The following WDPCP variants were observed in gnomAD, a reference collection of about 807,000 sequenced individuals.
WDPCP encodes WD repeat containing planar cell polarity effector, also known as WD repeat-containing and planar cell polarity effector protein fritz homolog.
WDPCP carries 71 observed loss-of-function variants against 93.1 expected under a neutral mutation model. That is an observed-to-expected ratio of 0.76 (90% confidence interval 0.63 to 0.93). The LOEUF (loss-of-function observed/expected upper bound fraction) is 0.93, where lower values mean the gene tolerates loss of function less well. WDPCP is among the 40% of genes least tolerant of loss of function. The probability of loss-of-function intolerance (pLI) is 0.00; values close to 1 mark genes in which losing one functional copy is unlikely to be tolerated. For missense variants in WDPCP, 844 were observed against 887.4 expected (o/e 0.95, Z 0.62); for synonymous variants, 315 against 315.0 (o/e 1.00, Z 0.00).
intron 1 of WDPCP, among the ~76,000 whole-genome samples, chr2:63,529,862 T>C (rs1703686356): frequency 1.3e-5 from 2 of 152,240 alleles, no homozygotes; most frequent in South Asian, 4.1e-4. Flanking sequence ...TACTAATTAT[T>C]GCCTCAATTT....
chr2:63,432,576 G>T (rs891312607), intron 9 of WDPCP, among the ~76,000 whole-genome samples: 1 of 152,124 alleles, frequency 6.6e-6, no homozygotes, highest in African/African-American at 2.4e-5. Context: ...GAAATAATGA[G>T]TCAGCAAGTA....
At chr2:63,261,790 A>C (rs1313244479) in intron 13 of WDPCP, among the ~76,000 whole-genome samples, 2 of 152,172 alleles carry the variant, frequency 1.3e-5, no homozygotes, top group Non-Finnish European at 2.9e-5. Context: ...AATATTTGCT[A>C]TCTGGCCCTT....
rs972902063 is a variant in WDPCP, at chr2:63,134,584, T to G, written c.2191-12528A>C. Among the ~76,000 whole-genome samples the G allele has an allele frequency of 3.3e-5, 5 of 152,334 alleles. No homozygotes were observed. In the East Asian group the frequency reaches 9.6e-4, roughly 29 times the overall value. ...ATACTATGAGCACTTTGAACACTGG[T>G]GTTTTTAATATGAAATTCTGAGAAC... On this transcript the variant is annotated intron_variant, in intron 17 of 17. Transcript: ENST00000272321.
At chr2:63,833,582 T>G in the WDPCP span, among the ~76,000 whole-genome samples, 1 of 152,214 alleles carries the variant, frequency 6.6e-6, no homozygotes, top group Non-Finnish European at 1.5e-5. Flanking sequence ...CTTCAGTGTT[T>G]ACAGTTTCAG....
chr2:63,588,574 C>A, upstream of WDPCP: 1 of 546,944 alleles, frequency 1.8e-6, no homozygotes, highest in South Asian at 2.0e-5. Context: ...TTACCTCCCA[C>A]GTTTACCCTC....
At chr2:63,604,567 T>C in intron 3 of WDPCP, 1 of 731,322 alleles carries the variant, frequency 1.4e-6, no homozygotes, top group Admixed American at 3.0e-5. Context: ...TACAAGTCAA[T>C]ATAACTCTTG....
At chr2:63,168,376 C>T (rs1478724622) in intron 15 of WDPCP, among the ~76,000 whole-genome samples, 1 of 151,568 alleles carries the variant, frequency 6.6e-6, no homozygotes, top group African/African-American at 2.4e-5. Flanking sequence ...AATATCTTTC[C>T]CCATTCCTTT....
At chr2:63,732,661 T>C (rs1207362851) in intron 2 of WDPCP, among the ~76,000 whole-genome samples, 1 of 152,154 alleles carries the variant, frequency 6.6e-6, no homozygotes, top group African/African-American at 2.4e-5. Flanking sequence ...TCTTACAAAA[T>C]GTTTTATTTA....
At chr2:63,307,381 C>A (rs10170929) in intron 13 of WDPCP, among the ~76,000 whole-genome samples, 121,883 of 152,106 alleles carry the variant, frequency 0.8, 49,691 homozygotes, top group East Asian at 0.96. Flanking sequence ...GAATTAGAAA[C>A]AAAACTACTT....
At chr2:63,523,686 C>T (rs1440453956) in intron 1 of WDPCP, among the ~76,000 whole-genome samples, 5 of 152,088 alleles carry the variant, frequency 3.3e-5, no homozygotes, top group Admixed American at 2.0e-4. Context: ...CCGCGGTGGG[C>T]GGATCATCTG....
intron 2 of WDPCP, among the ~76,000 whole-genome samples, chr2:63,677,733 A>C (rs951213300): frequency 1.1e-4 from 17 of 152,182 alleles, no homozygotes; most frequent in African/African-American, 4.1e-4. Context: ...AAATGAAGTA[A>C]AATAAGAGCA....
intron 1 of WDPCP, among the ~76,000 whole-genome samples, chr2:63,545,781 T>C (rs1705111280): frequency 6.6e-6 from 1 of 151,514 alleles, no homozygotes; most frequent in Non-Finnish European, 1.5e-5. Flanking sequence ...CACACCTCCT[T>C]GGCAAAAAAC....
chr2:63,446,814 T>G (rs1377007614), intron 6 of WDPCP, among the ~76,000 whole-genome samples: 1 of 152,244 alleles, frequency 6.6e-6, no homozygotes, highest in Non-Finnish European at 1.5e-5. Context: ...TTAGAACACC[T>G]TCTTGCCTTT....
At chr2:63,279,766 G>A (rs867726709) in intron 13 of WDPCP, among the ~76,000 whole-genome samples, 1 of 152,036 alleles carries the variant, frequency 6.6e-6, no homozygotes, top group Admixed American at 6.5e-5. Context: ...CAAGGTTTCA[G>A]GATACAAAAT....
At chr2:63,321,973 T>G (rs1291299214) in intron 12 of WDPCP, among the ~76,000 whole-genome samples, 2 of 152,144 alleles carry the variant, frequency 1.3e-5, no homozygotes, top group Non-Finnish European at 2.9e-5. Flanking sequence ...CTTGATTAAT[T>G]TGGAGGGAAG....
chr2:63,259,190 ACT>A, intron 14 of WDPCP, 115 bp downstream of exon 14: 1 of 851,168 alleles, frequency 1.2e-6, no homozygotes. Context: ...TTTATAAGGC[ACT>A]GTCTTTACAA....
chr2:63,680,894 C>A (rs1710485393), intron 2 of WDPCP, among the ~76,000 whole-genome samples: 1 of 152,070 alleles, frequency 6.6e-6, no homozygotes, highest in South Asian at 2.1e-4. Flanking sequence ...GAGAGGCACC[C>A]ATTCCAGGCC....
intron 2 of WDPCP, among the ~76,000 whole-genome samples, chr2:63,806,353 G>C (rs1457561109): frequency 6.6e-6 from 1 of 152,134 alleles, no homozygotes; most frequent in Non-Finnish European, 1.5e-5. Context: ...GTTTCAGAAG[G>C]GGAGGGAGTG....
Position 63,437,420 on chromosome 2 carries a change from C to T in WDPCP, c.633+1G>A, listed in dbSNP as rs1697207910. Reference sequence around the variant, plus strand: ...ATGACTATATAAATCAAAATCTCTACCTTATAATCCAAGGCTGAGAGTTTT... The same window carrying T: ...ATGACTATATAAATCAAAATCTCTATCTTATAATCCAAGGCTGAGAGTTTT... On this transcript the variant is annotated splice_donor_variant, in intron 8 of 17. Coordinates refer to ENST00000272321, the MANE Select transcript of WDPCP (RefSeq NM_015910.7). LOFTEE classifies it high-confidence loss of function. 1.6e-5 allele frequency: 26 copies of T among 1,596,310 alleles called. No individual in the cohort carries two copies. Among genetic ancestry groups the T allele is most frequent in the Non-Finnish European group, 2.2e-5 (26 of 1,170,160 alleles).
Sources: allele counts gnomAD v4.1 joint callset (sites outside exome capture counted in the v4.1 genomes callset), GRCh38; gene constraint gnomAD v4.1.1; transcripts MANE v1.5; gene names NCBI Gene and HGNC (gene_info 2026-07-23, HGNC 2026-07-21).